Variants in SLX4IP observed in about 807,000 individuals in gnomAD.
SLX4IP encodes the protein protein SLX4IP.
SLX4IP carries 34 observed loss-of-function variants against 32.9 expected under a neutral mutation model. The observed-to-expected ratio is 1.03, with a 90% CI of 0.79 to 1.38. The LOEUF (loss-of-function observed/expected upper bound fraction) is 1.38. Ranked by LOEUF, SLX4IP falls within the 40% of genes most tolerant of loss-of-function variation. The pLI is 0.00. For missense variants in SLX4IP, 444 were observed against 479.0 expected, an observed-to-expected ratio of 0.93 and a Z score of 0.68; for synonymous variants, 172 against 171.7, an observed-to-expected ratio of 1.00 and a Z score of -0.01.
rs1489088756 is a variant in SLX4IP at position 10,501,158 on chromosome 20, G to T, written c.27+42927G>T. Among the ~76,000 whole-genome samples, 6 of 152,206 alleles carry T rather than the reference G, an allele frequency of 3.9e-5. No individual in the cohort carries two copies. In the East Asian group the frequency reaches 1.2e-3, roughly 29 times the overall value. Reference sequence around the variant, plus strand: ...GCCATATGTACTTACAATGATGATGGCAAAAATAGGTGAAAAACATTGTAG... The same window carrying T: ...GCCATATGTACTTACAATGATGATGTCAAAAATAGGTGAAAAACATTGTAG... On this transcript the variant is annotated intron_variant, in intron 2 of 7. Transcript: ENST00000334534.
At chr20:10,518,400 T>C (rs868721309) in intron 2 of SLX4IP, among the ~76,000 whole-genome samples, 22,286 of 106,282 alleles carry the variant, frequency 0.21, 3,172 homozygotes, top group Admixed American at 0.28. Flanking sequence ...CCTTTCTTTC[T>C]TTCTTTCCTT....
chr20:10,511,607 G>A (rs767737286), intron 2 of SLX4IP, among the ~76,000 whole-genome samples: 4 of 152,226 alleles, frequency 2.6e-5, no homozygotes, highest in Non-Finnish European at 5.9e-5. Flanking sequence ...GCAGCTGGAC[G>A]TGTTCCATCT....
intron 1 of SLX4IP, among the ~76,000 whole-genome samples, chr20:10,436,218 C>T (rs546306180): frequency 1.3e-5 from 2 of 152,308 alleles, no homozygotes; most frequent in South Asian, 2.1e-4. Context: ...CCACCAGCAT[C>T]AGCATCCCTG....
chr20:10,568,393 C>T (rs1425907541), intron 4 of SLX4IP, among the ~76,000 whole-genome samples: 4 of 152,134 alleles, frequency 2.6e-5, no homozygotes, highest in African/African-American at 7.2e-5. Context: ...CTTCTGTGTT[C>T]GCTGTTCACT....
intron 2 of SLX4IP, among the ~76,000 whole-genome samples, chr20:10,518,425 C>CTT (rs1568719963): frequency 1.4e-4 from 11 of 79,168 alleles, no homozygotes; most frequent in Non-Finnish European, 2.5e-4. Context: ...CCTTCCTTCC[C>CTT]TCCCTCCCTC....
intron 6 of SLX4IP, among the ~76,000 whole-genome samples, chr20:10,608,577 G>A (rs555579380): frequency 6.6e-6 from 1 of 151,526 alleles, no homozygotes; most frequent in South Asian, 2.1e-4. Flanking sequence ...AGGAGGCTGA[G>A]GTGGGAGAAT....
chr20:10,614,078 C>T, intron 6 of SLX4IP: 1 of 1,543,312 alleles, frequency 6.5e-7, no homozygotes, highest in Non-Finnish European at 8.9e-7. Context: ...CGCCCTCGCC[C>T]ACCCGGTCCA....
intron 2 of SLX4IP, among the ~76,000 whole-genome samples, chr20:10,462,380 A>G (rs2065345295): frequency 6.6e-6 from 1 of 152,262 alleles, no homozygotes; most frequent in South Asian, 2.1e-4. Context: ...GTGCTAAGGT[A>G]TATCATCCTA....
chr20:10,590,501 C>T (rs955201578), intron 4 of SLX4IP, among the ~76,000 whole-genome samples: 9 of 151,768 alleles, frequency 5.9e-5, no homozygotes, highest in Admixed American at 2.0e-4. Flanking sequence ...GCTGGGATTA[C>T]AGGCGCACAC....
Position 10,473,172 on chromosome 20 carries a change from G to T in SLX4IP, c.27+14941G>T, listed in dbSNP as rs536239885. On this transcript the variant is annotated intron_variant, in intron 2 of 7. Coordinates refer to ENST00000334534, the MANE Select transcript of SLX4IP (RefSeq NM_001009608.3). ...CCAGCATTCGGTCTGGCTGTTATAC[G>T]CTGTGGTGGTACTTAGCTTGTGAAC... is the stretch of plus-strand genomic sequence containing the variant. Among the ~76,000 whole-genome samples the T allele has an allele frequency of 1.1e-4, 16 of 152,344 alleles. No homozygotes were observed. In the South Asian group the frequency reaches 1.2e-3, roughly 12 times the overall value.
chr20:10,509,759 C>T (rs1001404020), intron 2 of SLX4IP, among the ~76,000 whole-genome samples: 4 of 151,384 alleles, frequency 2.6e-5, no homozygotes, highest in South Asian at 4.2e-4. Flanking sequence ...TGCAGTGGTG[C>T]GATCATAGCT....
intron 4 of SLX4IP, among the ~76,000 whole-genome samples, chr20:10,584,505 C>T (rs543680541): frequency 1.1e-4 from 16 of 152,280 alleles, no homozygotes; most frequent in Admixed American, 3.9e-4. Context: ...TTATAACATA[C>T]CAGTAAATCA....
At position 10,512,755 on chromosome 20, in the gene SLX4IP, G is replaced by GTA. The variant is rs1215458319; in HGVS notation, c.28-43467_28-43466dup. Among the ~76,000 whole-genome samples, 30 of 74,110 alleles carry GTA rather than the reference G, an allele frequency of 4.0e-4. No individual in the cohort carries two copies. In the South Asian group the frequency reaches 6.3e-3, roughly 15 times the overall value. The allele number at this position is 74,110 out of a possible 152,430, so 48.6% of individuals were successfully genotyped here. On this transcript the variant is annotated intron_variant, in intron 2 of 7. Transcript: ENST00000334534. ...TATGTATTGTGTATATATATTTTAT[G>GTA]TATATATATACACACACACACTCTA...
chr20:10,549,535 G>T (rs529255445), intron 2 of SLX4IP, among the ~76,000 whole-genome samples: 2 of 152,326 alleles, frequency 1.3e-5, no homozygotes, highest in Admixed American at 1.3e-4. Flanking sequence ...CAAATAAAGG[G>T]GAGTGGGTTC....
intron 1 of SLX4IP, among the ~76,000 whole-genome samples, chr20:10,454,880 GT>G (rs1349396020): frequency 6.6e-6 from 1 of 152,128 alleles, no homozygotes; most frequent in Non-Finnish European, 1.5e-5. Flanking sequence ...GAGAGTTCCA[GT>G]TTATTCACAT....
At chr20:10,536,086 G>A (rs1465904652) in intron 2 of SLX4IP, among the ~76,000 whole-genome samples, 3 of 152,178 alleles carry the variant, frequency 2.0e-5, no homozygotes, top group Non-Finnish European at 2.9e-5. Flanking sequence ...ATGTAGAATG[G>A]CTCTTACGGT....
chr20:10,571,090 C>T (rs1368056245), intron 4 of SLX4IP, among the ~76,000 whole-genome samples: 1 of 152,160 alleles, frequency 6.6e-6, no homozygotes, highest in Non-Finnish European at 1.5e-5. Context: ...GCCTCAGCCT[C>T]CGAAAGTGTT....
intron 1 of SLX4IP, among the ~76,000 whole-genome samples, chr20:10,445,661 GTCAC>G (rs1316489794): frequency 6.9e-6 from 1 of 145,140 alleles, no homozygotes; most frequent in African/African-American, 2.6e-5. Flanking sequence ...GTCTCACTCT[GTCAC>G]TCAGGCTGGA....
chr20:10,472,294 G>C (rs185289199), intron 2 of SLX4IP, among the ~76,000 whole-genome samples: 1 of 150,300 alleles, frequency 6.7e-6, no homozygotes, highest in Non-Finnish European at 1.5e-5. Context: ...GCAGTGGCAC[G>C]ATCTCGGCTT....
Sources: gnomAD v4.1 joint callset for allele counts (sites outside exome capture counted in the v4.1 genomes callset) on GRCh38, gnomAD v4.1.1 for gene constraint, MANE v1.5 for transcripts, NCBI Gene and HGNC (gene_info 2026-07-23, HGNC 2026-07-21) for gene names.